Variants in RSBN1L observed in about 807,000 individuals in gnomAD.
The protein encoded by RSBN1L is round spermatid basic protein 1 like, also known as lysine-specific demethylase RSBN1L.
Under a neutral mutation model 67.7 loss-of-function variants are expected in RSBN1L, and 30 were observed. That is an observed-to-expected ratio of 0.44 (90% confidence interval 0.33 to 0.60). RSBN1L has a LOEUF of 0.60. Ranked by LOEUF, RSBN1L falls within the 20% of genes least tolerant of loss-of-function variation. The pLI is 0.02. For missense variants in RSBN1L, 992 were observed against 1,031.7 expected, an observed-to-expected ratio of 0.96 and a Z score of 0.53; for synonymous variants, 433 against 387.0, an observed-to-expected ratio of 1.12 and a Z score of -1.39.
At chr7:77,775,046 A>G (rs1791895814) in intron 6 of RSBN1L, among the ~76,000 whole-genome samples, 1 of 152,070 alleles carries the variant, frequency 6.6e-6, no homozygotes, top group African/African-American at 2.4e-5. Flanking sequence ...TTATTTTTAC[A>G]TTCTGTTTAT....
At chr7:77,735,179 T>G (rs1027782869) in intron 1 of RSBN1L, among the ~76,000 whole-genome samples, 1 of 152,186 alleles carries the variant, frequency 6.6e-6, no homozygotes, top group Non-Finnish European at 1.5e-5. Context: ...TTTTGAAAAT[T>G]TATTTAAGTA....
At chr7:77,753,129 A>AT in intron 3 of RSBN1L, among the ~76,000 whole-genome samples, 1 of 152,196 alleles carries the variant, frequency 6.6e-6, no homozygotes, top group Middle Eastern at 3.2e-3. Flanking sequence ...ACATGTCTTG[A>AT]TGAGCATATG....
intron 2 of RSBN1L, among the ~76,000 whole-genome samples, chr7:77,749,059 G>T (rs921092882): frequency 2.0e-5 from 3 of 152,118 alleles, no homozygotes; most frequent in African/African-American, 7.2e-5. Flanking sequence ...TTTGAGACCA[G>T]CCTGGCCAAC....
chr7:77,753,958 A>G (rs1791586185), intron 3 of RSBN1L, among the ~76,000 whole-genome samples: 1 of 152,152 alleles, frequency 6.6e-6, no homozygotes, highest in South Asian at 2.1e-4. Context: ...AGCTAATCAT[A>G]TGTGTGTGGG....
intron 2 of RSBN1L, among the ~76,000 whole-genome samples, chr7:77,745,227 C>T (rs896140440): frequency 2.7e-5 from 4 of 150,526 alleles, no homozygotes; most frequent in Non-Finnish European, 5.9e-5. Context: ...TGCCATTGCA[C>T]TCCAGCCTGG....
chr7:77,776,618 T>G (rs2150435214), intron 6 of RSBN1L, among the ~76,000 whole-genome samples: 1 of 152,376 alleles, frequency 6.6e-6, no homozygotes, highest in African/African-American at 2.4e-5. Flanking sequence ...AAGTACACAT[T>G]TAGAATTGTT....
intron 5 of RSBN1L, among the ~76,000 whole-genome samples, chr7:77,771,275 T>C (rs186198012): frequency 2.0e-5 from 3 of 152,230 alleles, no homozygotes; most frequent in African/African-American, 7.2e-5. Flanking sequence ...TTTTAGCTGT[T>C]ACAGTGATTA....
Position 77,749,779 on chromosome 7 carries a change from C to T in RSBN1L, c.1059C>T (p.His353=). Residue 353 remains histidine, a synonymous_variant, in exon 3 of 8, where the codon CAC becomes CAT. Transcript: ENST00000334955. The part of the protein sequence containing the change: ...LEFKQLIHIE[H]QPNGGASVIH... ...TTAAACAACTCATTCATATAGAGCA[C>T]CAGCCTAATGGAGGTGCATCGGTTA... 1 of 1,614,180 alleles carries T rather than the reference C, an allele frequency of 6.2e-7. No individual in the cohort carries two copies. Among genetic ancestry groups the T allele is most frequent in the Non-Finnish European group, 8.5e-7 (1 of 1,180,020 alleles).
At chr7:77,770,859 A>G (rs1791839097) in intron 5 of RSBN1L, among the ~76,000 whole-genome samples, 2 of 152,334 alleles carry the variant, frequency 1.3e-5, no homozygotes, top group South Asian at 4.1e-4. Flanking sequence ...GCACAGAGAA[A>G]AGTGTGGAGA....
At chr7:77,754,416 G>C (rs1373264327) in intron 3 of RSBN1L, among the ~76,000 whole-genome samples, 2 of 152,138 alleles carry the variant, frequency 1.3e-5, no homozygotes, top group Admixed American at 1.3e-4. Flanking sequence ...CTGTGATCAT[G>C]GTATTCCCCT....
chr7:77,701,218 G>C (rs1006230685), intron 1 of RSBN1L, among the ~76,000 whole-genome samples: 2 of 150,726 alleles, frequency 1.3e-5, no homozygotes, highest in African/African-American at 4.9e-5. Flanking sequence ...TTCTGTAGCT[G>C]TCCTTACTGC....
At chr7:77,773,394 C>A in intron 6 of RSBN1L, 80 bp downstream of exon 6, 1 of 1,029,116 alleles carries the variant, frequency 9.7e-7, no homozygotes, top group Non-Finnish European at 1.3e-6. Flanking sequence ...GTAATTCCTC[C>A]TTACTGTGGG....
In RSBN1L at chr7:77,720,772, T is replaced by C. The variant is rs1444000512; in HGVS notation, c.587-15638T>C. On this transcript the variant is annotated intron_variant, in intron 1 of 7. Transcript: ENST00000334955. ...TTTTCATTTTCTTTTTCTTTTTTTT[T>C]TTTTTTTTTTTGAGACAGAGTCTCA... Among the ~76,000 whole-genome samples, 547 of 143,208 alleles carry C rather than the reference T, an allele frequency of 3.8e-3. 7 individuals are homozygous for C. The highest frequency in any genetic ancestry group is 0.014 in the African/African-American group (534 of 38,708). The allele number at this position is 143,208 out of a possible 152,430, so 94.0% of individuals were successfully genotyped here.
chr7:77,720,873 C>T (rs1424393083), intron 1 of RSBN1L, among the ~76,000 whole-genome samples: 1 of 149,176 alleles, frequency 6.7e-6, no homozygotes, highest in Non-Finnish European at 1.5e-5. Context: ...TCTCATCCCT[C>T]AGCCTCCTGA....
chr7:77,721,072 C>T (rs1023594735), intron 1 of RSBN1L, among the ~76,000 whole-genome samples: 2 of 152,016 alleles, frequency 1.3e-5, no homozygotes, highest in South Asian at 2.1e-4. Flanking sequence ...GGATTTAACA[C>T]TTATTTATGG....
intron 1 of RSBN1L, among the ~76,000 whole-genome samples, chr7:77,723,617 T>TA (rs1791152049): frequency 6.6e-6 from 1 of 151,832 alleles, no homozygotes; most frequent in Non-Finnish European, 1.5e-5. Context: ...TGCAGGCATG[T>TA]ACCACCATGC....
At chr7:77,764,332 A>G (rs1342352072) in intron 3 of RSBN1L, among the ~76,000 whole-genome samples, 1 of 152,252 alleles carries the variant, frequency 6.6e-6, no homozygotes, top group Non-Finnish European at 1.5e-5. Context: ...TAGTGTTAGT[A>G]TATGAAAACA....
chr7:77,756,939 G>A (rs1562806397), intron 3 of RSBN1L, among the ~76,000 whole-genome samples: 1 of 152,132 alleles, frequency 6.6e-6, no homozygotes, highest in African/African-American at 2.4e-5. Flanking sequence ...GATGTGAATG[G>A]CAGTCCCTAG....
chr7:77,740,655 A>G (rs1380457380), intron 2 of RSBN1L, among the ~76,000 whole-genome samples: 1 of 152,232 alleles, frequency 6.6e-6, no homozygotes, highest in Non-Finnish European at 1.5e-5. Flanking sequence ...TTATTAATAC[A>G]GAAAGTATAC....
Sources: allele counts gnomAD v4.1 joint callset (sites outside exome capture counted in the v4.1 genomes callset), GRCh38; gene constraint gnomAD v4.1.1; transcripts MANE v1.5; gene names NCBI Gene and HGNC (gene_info 2026-07-23, HGNC 2026-07-21).